Variants in LHX3 observed in about 807,000 individuals in gnomAD.
LHX3 encodes the protein LIM homeobox 3.
Under a neutral mutation model 32.4 loss-of-function variants are expected in LHX3, and 21 were observed. The ratio of observed to expected loss-of-function variants is 0.65; its 90% CI spans 0.46 to 0.93. The LOEUF (loss-of-function observed/expected upper bound fraction) is 0.93, where lower values mean the gene tolerates loss of function less well. LHX3 is among the 40% of genes least tolerant of loss of function. The pLI, the probability that LHX3 is intolerant of heterozygous loss-of-function variation, is 0.00. For missense variants in LHX3, 626 were observed against 560.0 expected (o/e 1.12, Z -1.19); for synonymous variants, 258 against 246.8 (o/e 1.05, Z -0.43).
At chr9:136,199,634 T>A in intron 3 of LHX3, 44 bp downstream of exon 3, 1 of 1,606,668 alleles carries the variant, frequency 6.2e-7, no homozygotes, top group Non-Finnish European at 8.5e-7. Flanking sequence ...CAGCCCCATT[T>A]TTTTCAGACC....
At chr9:136,201,460 C>T (rs1416322114) in intron 1 of LHX3, 2 of 1,216,616 alleles carry the variant, frequency 1.6e-6, no homozygotes, top group Non-Finnish European at 2.0e-6. Context: ...ACTGCAGGCC[C>T]CCTGGAGGAA....
At chr9:136,200,154 C>A (rs1057504491) in intron 2 of LHX3, 7 of 593,000 alleles carry the variant, frequency 1.2e-5, no homozygotes, top group Admixed American at 5.5e-5. Context: ...AGGGAGAGGA[C>A]CCATCTGGGG....
Position 136,197,233 on chromosome 9 carries a change from TG to T in LHX3, c.*91del. On this transcript the variant is annotated 3_prime_UTR_variant, in exon 6 of 6. Coordinates refer to ENST00000371748, the MANE Select transcript of LHX3 (RefSeq NM_178138.6). ...AGGCACCAGCCCTCCCTTGACGCCC[TG>T]GCCCCACTTCCTCGGAAACCCCAGC... 1 of 1,381,300 alleles carries T rather than the reference TG, an allele frequency of 7.2e-7. No homozygotes were observed. Among genetic ancestry groups the T allele is most frequent in the Non-Finnish European group, 1.0e-6 (1 of 986,490 alleles). The allele number at this position is 1,381,300 out of a possible 1,614,324, so 85.6% of individuals were successfully genotyped here.
rs764072580 is a variant in LHX3, at chr9:136,197,303, G to T, written c.*22C>A. ...CAGGGGCAGCTCCCTCGTGTGAGGTGCAGGGTGGAGCCGGGCCTGGGTCAG... is the reference window on the plus strand; with the variant it reads ...CAGGGGCAGCTCCCTCGTGTGAGGTTCAGGGTGGAGCCGGGCCTGGGTCAG... On this transcript the variant is annotated 3_prime_UTR_variant, in exon 6 of 6. Coordinates refer to ENST00000371748, the MANE Select transcript of LHX3 (RefSeq NM_178138.6). The T allele has an allele frequency of 8.1e-6, 13 of 1,610,616 alleles. No individual in the cohort carries two copies. The African/African-American group carries it at 1.6e-4, about 20-fold the overall frequency.
At chr9:136,202,075 C>T (rs1473011490) in intron 1 of LHX3, among the ~76,000 whole-genome samples, 1 of 152,080 alleles carries the variant, frequency 6.6e-6, no homozygotes, top group Non-Finnish European at 1.5e-5. Flanking sequence ...ATGGCGGGGT[C>T]GGCGGAGCCT....
At position 136,198,959 on chromosome 9, in the gene LHX3, G is replaced by T. The variant is rs760626241; in HGVS notation, c.555C>A (p.His185Gln). 8.1e-5 allele frequency: 128 copies of T among 1,588,678 alleles called. 1 individual carries two copies. The Admixed American group carries it at 2.1e-3, about 26-fold the overall frequency. The change falls in exon 4 of 6, where the codon CAC becomes CAA. Residue 185 changes from histidine to glutamine, a missense_variant. Physicochemically the swap from His to Gln is conservative, Grantham distance 24. Coordinates refer to ENST00000371748, the MANE Select transcript of LHX3 (RefSeq NM_178138.6). ...AYNTSPKPAR[H>Q]VREQLSSETG... ...TCTCGGACGAGAGCTGCTCGCGCAC[G>T]TGGCGCGCCGGCTTGGGCGAGGTGT... is the stretch of plus-strand genomic sequence containing the variant.
chr9:136,198,851 G>C, intron 4 of LHX3, 31 bp from the exon 5 acceptor site: 2 of 1,595,914 alleles, frequency 1.3e-6, no homozygotes, highest in Non-Finnish European at 8.5e-7. Flanking sequence ...GCGGCCGCCC[G>C]GCTCTGCGGG....
Position 136,204,959 on chromosome 9 carries a change from G to A in LHX3, c.54C>T (p.Ala18=), listed in dbSNP as rs771263329. Reference sequence around the variant, plus strand: ...CCCGAGTCCCGCCCAAGGTGCAGACGGCGGCGGCCCCGGGCCTCGCTCGGT... The same window carrying A: ...CCCGAGTCCCGCCCAAGGTGCAGACAGCGGCGGCCCCGGGCCTCGCTCGGT... The part of the protein sequence containing the change: ...ERDRARPGAA[A]VCTLGGTREI... Residue 18 remains alanine (A), a synonymous_variant, in exon 1 of 6, where the codon GCC becomes GCT. Transcript: ENST00000371748. 1 of 1,600,870 alleles carries A rather than the reference G, an allele frequency of 6.2e-7. No individual in the cohort carries two copies. Among genetic ancestry groups the A allele is most frequent in the Non-Finnish European group, 8.5e-7 (1 of 1,176,264 alleles).
chr9:136,200,668 A>T lies in LHX3; in HGVS notation c.165T>A (p.Cys55Ter). 1 of 1,613,608 alleles carries T rather than the reference A, an allele frequency of 6.2e-7. No homozygotes were observed. Among genetic ancestry groups the T allele is most frequent in the Non-Finnish European group, 8.5e-7 (1 of 1,180,020 alleles). Residue 55 changes from cysteine (C) to a stop codon, truncating the protein, a stop_gained, in exon 2 of 6, where the codon TGT becomes TGA. Transcript: ENST00000371748. LOFTEE classifies it high-confidence loss of function. ...GCGTGTGGCAGTCGCTGCACTTGAGACACTTGCTGTGCCAGTGGCGGTCCA... is the reference window on the plus strand; with the variant it reads ...GCGTGTGGCAGTCGCTGCACTTGAGTCACTTGCTGTGCCAGTGGCGGTCCA... ...KALDRHWHSKCLKCSDCHTPL... is the reference protein window; with the variant it reads ...KALDRHWHSK
intron 1 of LHX3, among the ~76,000 whole-genome samples, chr9:136,201,897 C>T (rs1437050224): frequency 6.6e-6 from 1 of 152,096 alleles, no homozygotes; most frequent in Non-Finnish European, 1.5e-5. Flanking sequence ...CCCGACAGGC[C>T]GACACAGCGC....
chr9:136,197,632 T>C lies in LHX3; in HGVS notation c.887A>G (p.Glu296Gly), dbSNP rs1234658087. 1.3e-6 allele frequency: 2 copies of C among 1,583,206 alleles called. No homozygotes were observed. The highest frequency in any genetic ancestry group is 4.6e-5 in the East Asian group (2 of 43,388). Residue 296 changes from glutamate to glycine, a missense_variant, in exon 6 of 6, where the codon GAG (glutamate) becomes GGG (glycine). Transcript: ENST00000371748. ...CTCTGGGCCTGCCAGGCCTCCATGC[T>C]CCAGGGAGAAGTTGCCCAGGGCTCC... The part of the protein sequence containing the change: ...PSGALGNFSL[E>G]HGGLAGPEQY...
rs1253361965 is a variant in LHX3 at position 136,197,484 on chromosome 9, G to A, written c.1035C>T (p.Gly345=). The A allele has an allele frequency of 3.2e-6, 5 of 1,562,518 alleles. No homozygotes were observed. In the South Asian group the frequency reaches 3.5e-5, roughly 11 times the overall value. ...CGCCGGGGGCTCCCGAGGGCACAAG[G>A]CCCAAGCTGGTGTCTGGGTACACCA... ...SSLVYPDTSL[G]LVPSGAPGGP... Residue 345 remains glycine (G), a synonymous_variant, in exon 6 of 6, where the codon GGC becomes GGT. Transcript: ENST00000371748.
rs1831548736 is a variant in LHX3, at chr9:136,198,503, C to G, written c.775+149G>C. ...CAGGGCGGGGAGGGTGCTGGGGGAG[C>G]AGGTTCTGTAAGTGAAATGCTTTTG... On this transcript the variant is annotated intron_variant, in intron 5 of 5. Coordinates refer to ENST00000371748, the MANE Select transcript of LHX3 (RefSeq NM_178138.6). 7 of 930,310 alleles carry G rather than the reference C, an allele frequency of 7.5e-6. No homozygotes were observed. In the East Asian group the frequency reaches 1.9e-4, roughly 25 times the overall value. The allele number at this position is 930,310 out of a possible 1,614,324, so 57.6% of individuals were successfully genotyped here. A position where few individuals can be genotyped will look rare whatever the true frequency, so the allele number is the denominator to read the frequency against.
chr9:136,197,548 G>T lies in LHX3; in HGVS notation c.971C>A (p.Pro324Gln). The change falls in exon 6 of 6, where the codon CCG becomes CAG. Residue 324 changes from proline to glutamine, a missense_variant. By Grantham distance (76) the Pro-to-Gln change is moderately conservative. Transcript: ENST00000371748. Reference sequence around the variant, plus strand: ...GGGCTGGGGGCCAGGGAGGCTCTGCGGGGCGGCGGGGGATGGGGGGACACC... The same window carrying T: ...GGGCTGGGGGCCAGGGAGGCTCTGCTGGGCGGCGGGGGATGGGGGGACACC... ...PYGVPPSPAAPQSLPGPQPLL... is the reference protein window; with the variant it reads ...PYGVPPSPAAQQSLPGPQPLL... The T allele has an allele frequency of 6.5e-7, 1 of 1,528,862 alleles. No individual in the cohort carries two copies. The highest frequency in any genetic ancestry group is 8.8e-7 in the Non-Finnish European group (1 of 1,134,052). 94.7% of individuals were successfully genotyped at this position (1,528,862 alleles called of 1,614,324 possible).
At chr9:136,204,901 C>A (rs760511723) in intron 1 of LHX3, 33 bp downstream of exon 1, 3 of 1,561,222 alleles carry the variant, frequency 1.9e-6, no homozygotes. Context: ...CCGCCCTTGC[C>A]GTTTCTGTCC....
chr9:136,198,395 C>G (rs1054541376), intron 5 of LHX3, among the ~76,000 whole-genome samples: 4 of 152,252 alleles, frequency 2.6e-5, no homozygotes, highest in Admixed American at 2.0e-4. Context: ...TGAGAAAGCC[C>G]GTAGGCGCCC....
At position 136,199,040 on chromosome 9, in the gene LHX3, C is replaced by T. The variant is rs993229378; in HGVS notation, c.474G>A (p.Lys158=). ...TGGCGGTGATGGTCGTGCGCGGCCG[C>T]TTGGCCGTGGCCTCGGCCTCTGCGC... The part of the protein sequence containing the change: ...AKQREAEATA[K]RPRTTITAKQ... The change falls in exon 4 of 6, where the codon AAG becomes AAA. Residue 158 remains lysine (K), a synonymous_variant. Transcript: ENST00000371748. The T allele has an allele frequency of 2.5e-6, 4 of 1,575,464 alleles. No homozygotes were observed. Among genetic ancestry groups the T allele is most frequent in the Non-Finnish European group, 3.4e-6 (4 of 1,166,968 alleles).
chr9:136,197,451 T>C lies in LHX3; in HGVS notation c.1068A>G (p.Pro356=), dbSNP rs1019994096. Residue 356 remains proline (P), a synonymous_variant, in exon 6 of 6, where the codon CCA becomes CCG. Coordinates refer to ENST00000371748, the MANE Select transcript of LHX3 (RefSeq NM_178138.6). ...CGTTCCCTGCCAGCACCCTCATGGG[T>C]GGGGGCCCGCCGGGGGCTCCCGAGG... ...LVPSGAPGGP[P]PMRVLAGNGP... 6.3e-7 allele frequency: 1 copy of C among 1,580,490 alleles called. No homozygotes were observed. The highest frequency in any genetic ancestry group is 1.4e-5 in the African/African-American group (1 of 73,826).
Position 136,197,699 on chromosome 9 carries a change from C to G in LHX3, c.820G>C (p.Gly274Arg). The change falls in exon 6 of 6, where the codon GGG (glycine) becomes CGG (arginine). Residue 274 changes from glycine (G) to arginine (R), a missense_variant. Gly to Arg is a moderately radical substitution (Grantham distance 125, BLOSUM62 -2). Transcript: ENST00000371748. Reference sequence around the variant, plus strand: ...GCCTGGGTGGGTTCCCCCAAGCTCCCGTAGAGGCCATTGGCCGGGCCCATT... The same window carrying G: ...GCCTGGGTGGGTTCCCCCAAGCTCCGGTAGAGGCCATTGGCCGGGCCCATT... ...AEMGPANGLYGSLGEPTQALG... is the reference protein window; with the variant it reads ...AEMGPANGLYRSLGEPTQALG... The G allele has an allele frequency of 6.2e-7, 1 of 1,606,692 alleles. No individual in the cohort carries two copies. The highest frequency in any genetic ancestry group is 8.5e-7 in the Non-Finnish European group (1 of 1,179,740).
Sources: gnomAD v4.1 joint callset for allele counts (sites outside exome capture counted in the v4.1 genomes callset) on GRCh38, gnomAD v4.1.1 for gene constraint, MANE v1.5 for transcripts, NCBI Gene and HGNC (gene_info 2026-07-23, HGNC 2026-07-21) for gene names.